Variants in ACP3 observed in about 807,000 individuals in gnomAD.
ACP3 encodes the protein prostatic acid phosphatase.
A neutral mutation model predicts 45.6 loss-of-function variants in ACP3; 38 were observed. That is an observed-to-expected ratio of 0.83 (90% CI 0.64 to 1.09). The LOEUF (loss-of-function observed/expected upper bound fraction) is 1.09, where lower values mean the gene tolerates loss of function less well. Among genes scored for constraint, ACP3 ranks in the 50% least tolerant of loss-of-function variants. The pLI, the probability that ACP3 is intolerant of heterozygous loss-of-function variation, is 0.00. For synonymous variants in ACP3, 162 were observed against 164.7 expected (o/e 0.98, Z 0.13); for missense variants, 466 against 463.2 (o/e 1.01, Z -0.05).
rs116768727 is a variant in ACP3 at position 132,325,904 on chromosome 3, A to G, written c.121-2363A>G. 9.9e-3 allele frequency among the ~76,000 whole-genome samples: 1,509 copies of G among 152,340 alleles called. 12 individuals are homozygous for G. The highest frequency in any genetic ancestry group is 0.027 in the African/African-American group (1,124 of 41,570). ...TAATAGTAACTGCTTTGTGGAACTG[A>G]TGAGAAGATTACATCTATGAGAAGC... On this transcript the variant is annotated intron_variant, in intron 1 of 9. Transcript: ENST00000336375.
chr3:132,356,757 G>A lies in ACP3; in HGVS notation c.1040G>A (p.Cys347Tyr). The stretch of plus-strand genomic sequence containing the variant: ...CCGTATCCCCTCATGCTACCTGGCT[G>A]CAGCCCCAGCTGTCCTCTGGAGAGG... ...HEPYPLMLPG[C>Y]SPSCPLERFA... The change falls in exon 10 of 10, where the codon TGC (cysteine) becomes TAC (tyrosine). Residue 347 changes from cysteine (C) to tyrosine (Y), a missense_variant. Coordinates refer to ENST00000336375, the MANE Select transcript of ACP3 (RefSeq NM_001099.5). 1 of 1,614,216 alleles carries A rather than the reference G, an allele frequency of 6.2e-7. No homozygotes were observed. The highest frequency in any genetic ancestry group is 1.6e-4 in the Middle Eastern group (1 of 6,062).
At chr3:132,362,266 G>T (rs773809562), downstream of ACP3, among the ~76,000 whole-genome samples, 2 of 152,010 alleles carry the variant, frequency 1.3e-5, no homozygotes, top group African/African-American at 2.4e-5. Context: ...ATAGGATCAG[G>T]ATTCAAGCCT....
intron 4 of ACP3, among the ~76,000 whole-genome samples, chr3:132,332,901 C>CT (rs1369582858): frequency 1.8e-4 from 28 of 152,152 alleles, no homozygotes; most frequent in African/African-American, 6.8e-4. Context: ...GAAATAAGTG[C>CT]TTGGAGAGGT....
In ACP3 at chr3:132,338,235, G is replaced by A. The variant is rs988167562; in HGVS notation, c.555+681G>A. ...CTGATAGTTTCTTCTTTTGTTACAC[G>A]AAAATGGTATACTATTCATAGGGTT... On this transcript the variant is annotated intron_variant, in intron 5 of 9. Coordinates refer to ENST00000336375, the MANE Select transcript of ACP3 (RefSeq NM_001099.5). 3.4e-5 allele frequency among the ~76,000 whole-genome samples: 5 copies of A among 147,030 alleles called. No homozygotes were observed. The South Asian group carries it at 6.5e-4, about 19-fold the overall frequency.
chr3:132,319,350 A>G (rs1318978729), intron 1 of ACP3, among the ~76,000 whole-genome samples: 2 of 152,234 alleles, frequency 1.3e-5, no homozygotes, highest in Admixed American at 1.3e-4. Context: ...CTAAAGTGGT[A>G]ATATTAATGA....
chr3:132,345,019 T>C lies in ACP3; in HGVS notation c.741T>C (p.Tyr247=), dbSNP rs760267787. ...ELSELSLLSL[Y]GIHKQKEKSR... is the part of the protein sequence containing the mutation. ...CAGAATTGTCCCTCCTGTCCCTCTA[T>C]GGAATTCACAAGCAGAAAGAGAAAT... Residue 247 remains tyrosine, a synonymous_variant, in exon 7 of 10, where the codon TAT becomes TAC. Coordinates refer to ENST00000336375, the MANE Select transcript of ACP3 (RefSeq NM_001099.5). 8.7e-6 allele frequency: 14 copies of C among 1,613,674 alleles called. No homozygotes were observed. The highest frequency in any genetic ancestry group is 6.6e-5 in the South Asian group (6 of 91,088).
intron 1 of ACP3, among the ~76,000 whole-genome samples, chr3:132,319,331 T>C (rs1365094470): frequency 6.6e-6 from 1 of 152,216 alleles, no homozygotes; most frequent in Non-Finnish European, 1.5e-5. Context: ...TTTTAAAAGA[T>C]GCCCATAACT....
chr3:132,350,091 TC>T, intron 8 of ACP3, 89 bp downstream of exon 8: 1 of 867,890 alleles, frequency 1.2e-6, no homozygotes, highest in Non-Finnish European at 1.9e-6. Context: ...AATCTTCATT[TC>T]CCCATCTCCT....
At chr3:132,339,946 T>C (rs1372967849) in intron 5 of ACP3, among the ~76,000 whole-genome samples, 2 of 152,144 alleles carry the variant, frequency 1.3e-5, no homozygotes, top group African/African-American at 4.8e-5. Flanking sequence ...CATCAATCAA[T>C]CATTAGCATG....
chr3:132,350,948 G>A (rs930841846), intron 8 of ACP3, among the ~76,000 whole-genome samples: 1 of 152,224 alleles, frequency 6.6e-6, no homozygotes, highest in Non-Finnish European at 1.5e-5. Context: ...TAGGGCAGCG[G>A]CAGGAGAGGA....
chr3:132,356,888 A>C lies in ACP3; in HGVS notation c.*10A>C, dbSNP rs1184659703. On this transcript the variant is annotated 3_prime_UTR_variant, in exon 10 of 10. Transcript: ENST00000336375. ...AGACAGTACAGATTAGTGTGCACAG[A>C]GATCTCTGTAGAAGGAGTAGCTGCC... 6.2e-7 allele frequency: 1 copy of C among 1,602,878 alleles called. No individual in the cohort carries two copies. The highest frequency in any genetic ancestry group is 1.3e-5 in the African/African-American group (1 of 74,620).
At chr3:132,346,493 C>G (rs1410346242) in intron 7 of ACP3, among the ~76,000 whole-genome samples, 1 of 152,184 alleles carries the variant, frequency 6.6e-6, no homozygotes, top group African/African-American at 2.4e-5. Context: ...ACATGAGCAA[C>G]AAGATCCAGC....
At chr3:132,338,285 T>G (rs946004579) in intron 5 of ACP3, among the ~76,000 whole-genome samples, 36 of 151,738 alleles carry the variant, frequency 2.4e-4, no homozygotes, top group African/African-American at 6.3e-4. Flanking sequence ...TGTTTTGTTT[T>G]TTTTTTTCCA....
At chr3:132,339,827 TC>T (rs1008056029) in intron 5 of ACP3, among the ~76,000 whole-genome samples, 63 of 152,202 alleles carry the variant, frequency 4.1e-4, no homozygotes, top group African/African-American at 1.5e-3. Context: ...TTTAACTCCC[TC>T]CCCTCCCCAG....
intron 8 of ACP3, among the ~76,000 whole-genome samples, chr3:132,351,407 C>G (rs61443568): frequency 1.3e-5 from 2 of 152,150 alleles, no homozygotes; most frequent in Admixed American, 1.3e-4. Flanking sequence ...AGCAGGGAAA[C>G]AGGACATAGC....
intron 2 of ACP3, among the ~76,000 whole-genome samples, chr3:132,329,303 A>G (rs1251293809): frequency 1.3e-5 from 2 of 152,214 alleles, no homozygotes; most frequent in African/African-American, 2.4e-5. Flanking sequence ...AGGTTTAAAA[A>G]ATATATTGAT....
chr3:132,345,904 G>A (rs1937604106), intron 7 of ACP3, among the ~76,000 whole-genome samples: 1 of 152,162 alleles, frequency 6.6e-6, no homozygotes, highest in African/African-American at 2.4e-5. Context: ...ACTTAGATGT[G>A]GTTATCATAG....
downstream of ACP3, among the ~76,000 whole-genome samples, chr3:132,362,595 G>A (rs1938061811): frequency 6.6e-6 from 1 of 152,188 alleles, no homozygotes; most frequent in African/African-American, 2.4e-5. Context: ...TGAATTCTGC[G>A]ATGAAGGGCA....
chr3:132,337,743 A>G (rs1160632883), intron 5 of ACP3, among the ~76,000 whole-genome samples, 189 bp downstream of exon 5: 1 of 152,236 alleles, frequency 6.6e-6, no homozygotes, highest in African/African-American at 2.4e-5. Context: ...CCTTCCCCAT[A>G]CAGGGGTCAC....
Sources: gnomAD v4.1 joint callset for allele counts (sites outside exome capture counted in the v4.1 genomes callset) on GRCh38, gnomAD v4.1.1 for gene constraint, MANE v1.5 for transcripts, NCBI Gene and HGNC (gene_info 2026-07-23, HGNC 2026-07-21) for gene names.